The following ACYP2 variants were observed in gnomAD, a reference collection of about 807,000 sequenced individuals.
ACYP2 encodes the protein acylphosphatase 2.
In ACYP2, 12 loss-of-function variants were observed where a neutral mutation model predicts 11.2. The ratio of observed to expected loss-of-function variants is 1.08; its 90% CI spans 0.69 to 1.74. The LOEUF (loss-of-function observed/expected upper bound fraction) is 1.74. Among genes scored for constraint, ACYP2 ranks in the 40% most tolerant of loss-of-function variants. The pLI, the probability that ACYP2 is intolerant of heterozygous loss-of-function variation, is 0.00. For synonymous variants in ACYP2, 43 were observed against 32.2 expected (o/e 1.33, Z -1.13); for missense variants, 134 against 101.9 (o/e 1.31, Z -1.35).
At chr2:54,033,293 G>T (rs201133816) in intron 2 of ACYP2, among the ~76,000 whole-genome samples, 1 of 151,624 alleles carries the variant, frequency 6.6e-6, no homozygotes, top group Non-Finnish European at 1.5e-5. Context: ...GACCTCCCAG[G>T]CATGAGCTAT....
intron 2 of ACYP2, among the ~76,000 whole-genome samples, chr2:54,004,685 C>T (rs1672970159): frequency 6.6e-6 from 1 of 151,960 alleles, no homozygotes. Flanking sequence ...GCTGGGATTA[C>T]AGGTGTGAGC....
chr2:54,046,298 G>A (rs1460652152), intron 2 of ACYP2, among the ~76,000 whole-genome samples: 1 of 151,720 alleles, frequency 6.6e-6, no homozygotes, highest in Non-Finnish European at 1.5e-5. Flanking sequence ...GGCCAACATG[G>A]TGAAACCCTG....
chr2:54,042,734 T>A (rs1361516063), intron 2 of ACYP2, among the ~76,000 whole-genome samples: 1 of 152,144 alleles, frequency 6.6e-6, no homozygotes, highest in African/African-American at 2.4e-5. Flanking sequence ...GGCTTCAAAT[T>A]TGTATTCAGC....
chr2:54,269,784 TATTTA>T (rs1234097409), intron 6 of ACYP2, among the ~76,000 whole-genome samples: 1 of 152,226 alleles, frequency 6.6e-6, no homozygotes, highest in Admixed American at 6.5e-5. Flanking sequence ...ACCTCAATTT[TATTTA>T]TAGAAAAGCC....
In ACYP2 at chr2:54,013,255, A is replaced by ATGTGTGTG. The variant is rs60289014; in HGVS notation, c.63-37649_63-37642dup. Among the ~76,000 whole-genome samples, 47 of 117,604 alleles carry ATGTGTGTG rather than the reference A, an allele frequency of 4.0e-4. 2 individuals are homozygous for ATGTGTGTG. The highest frequency in any genetic ancestry group is 6.1e-4 in the South Asian group (2 of 3,268). The allele number at this position is 117,604 out of a possible 152,430, so 77.2% of individuals were successfully genotyped here. ...AATATAACATTTACCACCATCTAAT[A>ATGTGTGTG]TGTGTGTGTGTGTGTGTGTGTGTGT... On this transcript the variant is annotated intron_variant, in intron 2 of 6. Coordinates refer to ENST00000607452, the MANE Select transcript of ACYP2 (RefSeq NM_001320586.2).
rs544345365 is a variant in ACYP2, at chr2:54,017,431, C to A, written c.63-33527C>A. Among the ~76,000 whole-genome samples the A allele has an allele frequency of 6.6e-5, 10 of 151,336 alleles. No individual in the cohort carries two copies. The East Asian group carries it at 9.8e-4, about 15-fold the overall frequency. ...CACCACGCCTGGCTAATTTTTGTAT[C>A]TTTAGTAGAGATGGGGTTTCACCAT... is the stretch of plus-strand genomic sequence containing the variant. On this transcript the variant is annotated intron_variant, in intron 2 of 6. Coordinates refer to ENST00000607452, the MANE Select transcript of ACYP2 (RefSeq NM_001320586.2).
intron 6 of ACYP2, among the ~76,000 whole-genome samples, chr2:54,227,446 C>T (rs1686056437): frequency 6.6e-6 from 1 of 152,058 alleles, no homozygotes; most frequent in African/African-American, 2.4e-5. Context: ...CGAGACCATC[C>T]TGACCAACAT....
At chr2:53,991,520 T>G (rs980592550) in intron 2 of ACYP2, among the ~76,000 whole-genome samples, 1 of 151,684 alleles carries the variant, frequency 6.6e-6, no homozygotes, top group Non-Finnish European at 1.5e-5. Context: ...ATTCTCCTGC[T>G]TCAGCCTCCT....
chr2:54,163,555 T>A (rs1177571447), intron 6 of ACYP2, among the ~76,000 whole-genome samples: 1 of 152,170 alleles, frequency 6.6e-6, no homozygotes, highest in African/African-American at 2.4e-5. Flanking sequence ...AAGAAGTGGT[T>A]CATAAATGTT....
chr2:54,031,697 C>A (rs548780793), intron 2 of ACYP2, among the ~76,000 whole-genome samples: 1 of 152,184 alleles, frequency 6.6e-6, no homozygotes, highest in Non-Finnish European at 1.5e-5. Context: ...TGAGGAATCG[C>A]CACACTGTCT....
chr2:54,078,400 T>G (rs931344570), intron 4 of ACYP2, among the ~76,000 whole-genome samples: 2 of 111,830 alleles, frequency 1.8e-5, no homozygotes, highest in African/African-American at 7.2e-5. Flanking sequence ...AAATCATATA[T>G]ATATGCGTAC....
chr2:54,251,560 C>T (rs1300554933), intron 6 of ACYP2, among the ~76,000 whole-genome samples: 1 of 148,518 alleles, frequency 6.7e-6, no homozygotes, highest in Non-Finnish European at 1.5e-5. Context: ...TCTCTTACTT[C>T]CTTCCAATCA....
intron 6 of ACYP2, among the ~76,000 whole-genome samples, chr2:54,262,861 T>C (rs1365526356): frequency 6.6e-6 from 1 of 152,230 alleles, no homozygotes; most frequent in East Asian, 1.9e-4. Flanking sequence ...AATTAATTAC[T>C]GTCCCATTCA....
chr2:53,974,037 G>C (rs1671337712), intron 2 of ACYP2, among the ~76,000 whole-genome samples: 1 of 150,864 alleles, frequency 6.6e-6, no homozygotes, highest in Non-Finnish European at 1.5e-5. Flanking sequence ...GCCTCGAGTA[G>C]CTGGGACCAC....
chr2:54,255,251 T>A, intron 6 of ACYP2: 1 of 1,614,246 alleles, frequency 6.2e-7, no homozygotes, highest in South Asian at 1.1e-5. Flanking sequence ...AAGTAAGGGT[T>A]TCTTTGAAAG....
chr2:54,183,099 T>C (rs565349331), intron 6 of ACYP2, among the ~76,000 whole-genome samples: 63 of 152,362 alleles, frequency 4.1e-4, no homozygotes, highest in African/African-American at 1.4e-3. Context: ...AAAGGAAATA[T>C]GTTCTGTATG....
chr2:54,016,792 C>A (rs984196535), intron 2 of ACYP2, among the ~76,000 whole-genome samples: 2 of 146,888 alleles, frequency 1.4e-5, no homozygotes, highest in African/African-American at 2.5e-5. Context: ...GTGGCACGAT[C>A]TCGGCTCACT....
intron 2 of ACYP2, among the ~76,000 whole-genome samples, chr2:53,988,107 G>A (rs1216054821): frequency 1.3e-5 from 2 of 152,224 alleles, no homozygotes; most frequent in East Asian, 1.9e-4. Context: ...TTGCGCACCT[G>A]TAATCCCAGT....
chr2:54,098,208 A>T (rs1678700500), intron 4 of ACYP2, among the ~76,000 whole-genome samples: 1 of 152,034 alleles, frequency 6.6e-6, no homozygotes, highest in Admixed American at 6.6e-5. Flanking sequence ...ACCTTAGGAG[A>T]TCCACCTGCC....
Sources: allele counts gnomAD v4.1 joint callset (sites outside exome capture counted in the v4.1 genomes callset), GRCh38; gene constraint gnomAD v4.1.1; transcripts MANE v1.5; gene names NCBI Gene and HGNC (gene_info 2026-07-23, HGNC 2026-07-21).